The following ITPR2 variants were observed in gnomAD, a reference collection of about 807,000 sequenced individuals.
ITPR2 encodes inositol 1,4,5-trisphosphate receptor type 2.
ITPR2 carries 207 observed loss-of-function variants against 317.1 expected under a neutral mutation model. That is an observed-to-expected ratio of 0.65 (90% CI 0.58 to 0.73). ITPR2 has a LOEUF of 0.73. ITPR2 is among the 30% of genes least tolerant of loss of function. ITPR2 has a pLI of 0.00. For synonymous variants in ITPR2, 1,156 were observed against 1,149.1 expected (o/e 1.01, Z -0.12); for missense variants, 2,613 against 3,284.0 (o/e 0.80, Z 4.99).
intron 55 of ITPR2, among the ~76,000 whole-genome samples, chr12:26,386,020 G>A (rs76976650): frequency 1.3e-5 from 2 of 151,990 alleles, no homozygotes; most frequent in African/African-American, 4.8e-5. Context: ...TTCATCCAAG[G>A]CATATAACAG....
chr12:26,388,220 A>G (rs1049146980), intron 54 of ITPR2, among the ~76,000 whole-genome samples: 13 of 152,202 alleles, frequency 8.5e-5, no homozygotes, highest in Admixed American at 3.9e-4. Flanking sequence ...ACAGTAAAGA[A>G]AGCACCTAGA....
chr12:26,441,932 A>G (rs1446562969), intron 46 of ITPR2, among the ~76,000 whole-genome samples: 1 of 152,110 alleles, frequency 6.6e-6, no homozygotes, highest in Non-Finnish European at 1.5e-5. Flanking sequence ...TAATATATAT[A>G]TAACTATATA....
chr12:26,632,063 G>A lies in ITPR2; in HGVS notation c.2741-4C>T, dbSNP rs757853789. Reference sequence around the variant, plus strand: ...ATGGTTCTCATCACATTGTTTCCTGGCATGAGAAAATGCCGTAAGTCAACA... The same window carrying A: ...ATGGTTCTCATCACATTGTTTCCTGACATGAGAAAATGCCGTAAGTCAACA... On this transcript the variant is annotated splice_polypyrimidine_tract_variant and splice_region_variant and intron_variant, in intron 21 of 56. Coordinates refer to ENST00000381340, the MANE Select transcript of ITPR2 (RefSeq NM_002223.4). The A allele has an allele frequency of 7.2e-6, 11 of 1,526,998 alleles. No individual in the cohort carries two copies. In the Admixed American group the frequency reaches 8.6e-5, roughly 12 times the overall value. 94.6% of individuals were successfully genotyped at this position (1,526,998 alleles called of 1,614,324 possible).
chr12:26,423,713 A>G (rs1034039412), intron 49 of ITPR2, among the ~76,000 whole-genome samples: 1 of 152,236 alleles, frequency 6.6e-6, no homozygotes, highest in Non-Finnish European at 1.5e-5. Context: ...TATATTTGTC[A>G]GAATAATATA....
At chr12:26,387,134 T>A (rs1159438693) in intron 55 of ITPR2, among the ~76,000 whole-genome samples, 2 of 152,210 alleles carry the variant, frequency 1.3e-5, no homozygotes, top group South Asian at 2.1e-4. Context: ...TCAGCAATGA[T>A]AAAAGGTATG....
At chr12:26,550,465 A>G (rs1267749139) in intron 36 of ITPR2, 110 bp from the exon 37 acceptor site, 2 of 626,768 alleles carry the variant, frequency 3.2e-6, no homozygotes, top group African/African-American at 1.9e-5. Flanking sequence ...GAGAATATGA[A>G]GCAAACCAGG....
At chr12:26,469,124 TATA>T (rs1942241497) in intron 45 of ITPR2, among the ~76,000 whole-genome samples, 1 of 152,170 alleles carries the variant, frequency 6.6e-6, no homozygotes, top group Non-Finnish European at 1.5e-5. Flanking sequence ...CACATTCAAT[TATA>T]ATGATTTATC....
At chr12:26,729,004 C>T (rs1948983603) in intron 2 of ITPR2, among the ~76,000 whole-genome samples, 1 of 152,178 alleles carries the variant, frequency 6.6e-6, no homozygotes, top group Non-Finnish European at 1.5e-5. Context: ...TGTCTGTTTA[C>T]TTTGTTGACA....
rs959052575 is a variant in ITPR2, at chr12:26,510,106, G to A, written c.5074-14846C>T. On this transcript the variant is annotated intron_variant, in intron 37 of 56. Coordinates refer to ENST00000381340, the MANE Select transcript of ITPR2 (RefSeq NM_002223.4). Reference sequence around the variant, plus strand: ...GGGAGGAAGAGACATTCAAAATGTTGCTCTCATCATAAGCTTTATAGCAAA... The same window carrying A: ...GGGAGGAAGAGACATTCAAAATGTTACTCTCATCATAAGCTTTATAGCAAA... 3.3e-5 allele frequency among the ~76,000 whole-genome samples: 5 copies of A among 151,634 alleles called. 1 individual carries two copies. Among genetic ancestry groups the A allele is most frequent in the Admixed American group, 2.6e-4 (4 of 15,200 alleles).
At chr12:26,659,414 G>A (rs1330512501) in intron 15 of ITPR2, 129 bp from the exon 16 acceptor site, 2 of 765,712 alleles carry the variant, frequency 2.6e-6, no homozygotes, top group African/African-American at 1.8e-5. Context: ...CAAAAGAAAA[G>A]CAAGTAAATT....
At chr12:26,814,472 T>C (rs1182643824) in intron 1 of ITPR2, among the ~76,000 whole-genome samples, 6 of 152,182 alleles carry the variant, frequency 3.9e-5, no homozygotes, top group Admixed American at 1.3e-4. Flanking sequence ...ACAAAATAGA[T>C]ACACCAGTTC....
rs755220150 is a variant in ITPR2, at chr12:26,439,187, C to A, written c.6583G>T (p.Asp2195Tyr). The A allele has an allele frequency of 6.8e-6, 11 of 1,612,450 alleles. No homozygotes were observed. The Admixed American group carries it at 1.3e-4, about 20-fold the overall frequency. ...ERDEQGSKVN[D>Y]FFQQTEDLYN... ...AGATCTTCTGTTTGCTGGAAAAAGT[C>A]ATTCACTTTACTTCCTTGTTCATCC... Residue 2195 changes from aspartate (D) to tyrosine (Y), a missense_variant, in exon 47 of 57, where the codon GAC (aspartate) becomes TAC (tyrosine). Transcript: ENST00000381340.
chr12:26,808,859 CTA>C (rs1703139835), intron 1 of ITPR2, among the ~76,000 whole-genome samples: 1 of 152,174 alleles, frequency 6.6e-6, no homozygotes, highest in Admixed American at 6.5e-5. Context: ...AGAACACACT[CTA>C]TTCAACAGGC....
At chr12:26,766,799 G>A (rs12582871) in intron 2 of ITPR2, among the ~76,000 whole-genome samples, 30,972 of 151,974 alleles carry the variant, frequency 0.2, 3,807 homozygotes, top group Non-Finnish European at 0.28. Context: ...TTTTTGTAGG[G>A]TCCTTTCACT....
chr12:26,433,238 A>G (rs1177673361), intron 48 of ITPR2, among the ~76,000 whole-genome samples: 1 of 151,954 alleles, frequency 6.6e-6, no homozygotes, highest in African/African-American at 2.4e-5. Context: ...CCCTCTAAGC[A>G]CCCCATCCAC....
chr12:26,734,627 TA>T (rs57269056), intron 2 of ITPR2, among the ~76,000 whole-genome samples: 667 of 139,210 alleles, frequency 4.8e-3, no homozygotes, highest in Middle Eastern at 0.011. Context: ...TGTCCTAAAT[TA>T]AAAAAAAAAA....
intron 47 of ITPR2, among the ~76,000 whole-genome samples, chr12:26,438,368 T>C (rs1941408864): frequency 6.6e-6 from 1 of 152,138 alleles, no homozygotes; most frequent in South Asian, 2.1e-4. Flanking sequence ...GAAATACTGT[T>C]GAATAGAAGT....
intron 37 of ITPR2, among the ~76,000 whole-genome samples, chr12:26,496,912 C>G (rs1260281551): frequency 2.0e-5 from 3 of 149,254 alleles, no homozygotes; most frequent in African/African-American, 7.4e-5. Flanking sequence ...ACACTGCACT[C>G]CAGCCTGGGC....
chr12:26,814,560 A>G (rs1289862164), intron 1 of ITPR2, among the ~76,000 whole-genome samples: 1 of 152,236 alleles, frequency 6.6e-6, no homozygotes, highest in Non-Finnish European at 1.5e-5. Flanking sequence ...GAAATAGCAA[A>G]CTAGCTCAGA....
Sources: allele counts gnomAD v4.1 joint callset (sites outside exome capture counted in the v4.1 genomes callset), GRCh38; gene constraint gnomAD v4.1.1; transcripts MANE v1.5; gene names NCBI Gene and HGNC (gene_info 2026-07-23, HGNC 2026-07-21).